PSG3: variants seen among roughly 807,000 people sequenced by gnomAD.
PSG3 encodes pregnancy-specific beta-1-glycoprotein 3.
PSG3 carries 61 observed loss-of-function variants against 47.5 expected under a neutral mutation model. That is an observed-to-expected ratio of 1.28 (90% CI 1.05 to 1.59). The LOEUF (loss-of-function observed/expected upper bound fraction) is 1.59, where lower values mean the gene tolerates loss of function less well. Ranked by LOEUF, PSG3 falls within the 40% of genes most tolerant of loss-of-function variation. The probability of loss-of-function intolerance (pLI) is 0.00; values close to 1 mark genes in which losing one functional copy is unlikely to be tolerated. For missense variants in PSG3, 756 were observed against 524.0 expected, an observed-to-expected ratio of 1.44 and a Z score of -4.32; for synonymous variants, 263 against 198.4, an observed-to-expected ratio of 1.33 and a Z score of -2.74.
At chr19:42,736,424 G>A (rs773951815) in intron 2 of PSG3, among the ~76,000 whole-genome samples, 29 of 152,134 alleles carry the variant, frequency 1.9e-4, no homozygotes, top group Non-Finnish European at 3.5e-4. Flanking sequence ...CCCTCCGCCC[G>A]CATGATTCCA....
intron 3 of PSG3, among the ~76,000 whole-genome samples, chr19:42,731,744 C>G (rs1172428800): frequency 6.6e-6 from 1 of 151,558 alleles, no homozygotes; most frequent in Non-Finnish European, 1.5e-5. Flanking sequence ...ATTGATTCCT[C>G]CAATCCATGA....
At chr19:42,735,153 T>G (rs1969542257) in intron 2 of PSG3, among the ~76,000 whole-genome samples, 1 of 152,234 alleles carries the variant, frequency 6.6e-6, no homozygotes, top group Non-Finnish European at 1.5e-5. Context: ...GCCTTTGTAG[T>G]TGTCCCACAG....
Position 42,723,997 on chromosome 19 carries a change from G to A in PSG3, c.1272C>T (p.Gly424=), listed in dbSNP as rs780533629. The part of the protein sequence containing the change: ...SAPSGTGHLP[G]LNPL ...ATCACGGCTGCTATAATGGATTAAG[G>A]CCAGGAAGATGTCCTGTTCCTGAAG... The change falls in exon 6 of 7, where the codon GGC becomes GGT. Residue 424 remains glycine, a synonymous_variant. Coordinates refer to ENST00000327495, the MANE Select transcript of PSG3 (RefSeq NM_021016.4). 6 of 1,611,654 alleles carry A rather than the reference G, an allele frequency of 3.7e-6. No individual in the cohort carries two copies. Among genetic ancestry groups the A allele is most frequent in the African/African-American group, 1.3e-5 (1 of 74,966 alleles).
At position 42,735,341 on chromosome 19, in the gene PSG3, A is replaced by G. The variant is rs548457667; in HGVS notation, c.431-2279T>C. The stretch of plus-strand genomic sequence containing the variant: ...AGCTATGTTCAGTCTACCAGTAAGT[A>G]TCAAAAGCATTCTTCATGTCTCTAA... On this transcript the variant is annotated intron_variant, in intron 2 of 6. Coordinates refer to ENST00000327495, the MANE Select transcript of PSG3 (RefSeq NM_021016.4). Among the ~76,000 whole-genome samples, 5 of 152,214 alleles carry G rather than the reference A, an allele frequency of 3.3e-5. No individual in the cohort carries two copies. In the East Asian group the frequency reaches 9.7e-4, roughly 29 times the overall value.
Position 42,740,412 on chromosome 19 carries a change from T to G in PSG3, c.-28A>C. On this transcript the variant is annotated 5_prime_UTR_variant, in exon 1 of 7. Transcript: ENST00000327495. ...TCTCTGCTGCCTGCGTGTTCTCCTCTGTGGAGCTGAGCCTAGGATCCAGAA... is the reference window on the plus strand; with the variant it reads ...TCTCTGCTGCCTGCGTGTTCTCCTCGGTGGAGCTGAGCCTAGGATCCAGAA... 1 of 1,613,970 alleles carries G rather than the reference T, an allele frequency of 6.2e-7. No homozygotes were observed. The highest frequency in any genetic ancestry group is 8.5e-7 in the Non-Finnish European group (1 of 1,179,920).
chr19:42,734,141 G>C (rs987828426), intron 2 of PSG3: 1 of 152,146 alleles, frequency 6.6e-6, no homozygotes, highest in Admixed American at 6.5e-5. Flanking sequence ...GTGGGTGTGC[G>C]GTTTCAGTTA....
rs2122183054 is a variant in PSG3, at chr19:42,732,974, A to G, written c.519T>C (p.Thr173=). 1.9e-6 allele frequency: 3 copies of G among 1,614,124 alleles called. No homozygotes were observed. In the East Asian group the frequency reaches 6.7e-5, roughly 36 times the overall value. ...EAVSLTCDPE[T]PDASYLWWMN... is the part of the protein sequence containing the mutation. ...TCCACCACAGGTAGCTTGCGTCCGGAGTCTCAGGATCACAGGTTAAGCTCA... is the reference window on the plus strand; with the variant it reads ...TCCACCACAGGTAGCTTGCGTCCGGGGTCTCAGGATCACAGGTTAAGCTCA... Residue 173 remains threonine, a synonymous_variant, in exon 3 of 7, where the codon ACT becomes ACC. Coordinates refer to ENST00000327495, the MANE Select transcript of PSG3 (RefSeq NM_021016.4).
chr19:42,735,400 T>C (rs968629789), intron 2 of PSG3, among the ~76,000 whole-genome samples: 4 of 152,044 alleles, frequency 2.6e-5, no homozygotes, highest in Non-Finnish European at 5.9e-5. Context: ...AGAGTCTCGC[T>C]CTGTCACCTA....
At position 42,733,000 on chromosome 19, in the gene PSG3, C is replaced by T; in HGVS notation, c.493G>A (p.Val165Met). The T allele has an allele frequency of 2.5e-6, 4 of 1,614,186 alleles. No homozygotes were observed. The highest frequency in any genetic ancestry group is 2.7e-5 in the African/African-American group (2 of 75,038). The change falls in exon 3 of 7, where the codon GTG becomes ATG. Residue 165 changes from valine (V) to methionine (M), a missense_variant. Coordinates refer to ENST00000327495, the MANE Select transcript of PSG3 (RefSeq NM_021016.4). ...NLYPREDMEA[V>M]SLTCDPETPD... is the part of the protein sequence containing the mutation. ...GTCTCAGGATCACAGGTTAAGCTCA[C>T]AGCCTCCATGTCCTCCCTGGGGTAT...
Position 42,729,433 on chromosome 19 carries a change from C to T in PSG3, c.989-56G>A, listed in dbSNP as rs1969433311. 16 of 1,571,348 alleles carry T rather than the reference C, an allele frequency of 1.0e-5. No individual in the cohort carries two copies. The South Asian group carries it at 1.9e-4, about 19-fold the overall frequency. ...TGTCATCCGAGGGAAGGGGATGCTC[C>T]TGGTCTCTTAAAGGGACACAGTGAC... is the stretch of plus-strand genomic sequence containing the variant. On this transcript the variant is annotated intron_variant, in intron 4 of 6. Coordinates refer to ENST00000327495, the MANE Select transcript of PSG3 (RefSeq NM_021016.4).
intron 6 of PSG3, among the ~76,000 whole-genome samples, chr19:42,723,409 T>C (rs889173871): frequency 2.0e-4 from 31 of 152,286 alleles, no homozygotes; most frequent in Non-Finnish European, 4.1e-4. Flanking sequence ...ATGGAGGAAT[T>C]ATACTAGGAA....
chr19:42,724,786 C>G (rs574419324), intron 5 of PSG3, among the ~76,000 whole-genome samples: 240 of 152,068 alleles, frequency 1.6e-3, no homozygotes, highest in African/African-American at 5.5e-3. Context: ...ACATACCAGG[C>G]TTGATTCTTT....
intron 2 of PSG3, among the ~76,000 whole-genome samples, chr19:42,737,512 A>C (rs944919030): frequency 1.1e-4 from 17 of 152,052 alleles, no homozygotes; most frequent in African/African-American, 3.6e-4. Context: ...ATGGTGGTTA[A>C]GATCTGAGGG....
chr19:42,730,339 C>T (rs1262916010), intron 3 of PSG3, among the ~76,000 whole-genome samples: 1 of 152,170 alleles, frequency 6.6e-6, no homozygotes, highest in Non-Finnish European at 1.5e-5. Flanking sequence ...GCCCCTGGTA[C>T]CCCTCCCAGT....
chr19:42,739,831 T>A (rs1177131295), intron 1 of PSG3, among the ~76,000 whole-genome samples: 1 of 152,248 alleles, frequency 6.6e-6, no homozygotes. Flanking sequence ...ACTTAAGATT[T>A]TCCTACCTCT....
At chr19:42,736,177 CAG>C (rs1969559777) in intron 2 of PSG3, among the ~76,000 whole-genome samples, 1 of 152,168 alleles carries the variant, frequency 6.6e-6, no homozygotes. Context: ...AAAATGTTGG[CAG>C]AGTTTTTATA....
intron 3 of PSG3, 121 bp downstream of exon 3, chr19:42,732,663 G>C (rs1969491494): frequency 1.9e-6 from 3 of 1,609,572 alleles, no homozygotes; most frequent in Non-Finnish European, 1.7e-6. Flanking sequence ...GTCATGGCCA[G>C]GTTTGATGTC....
intron 2 of PSG3, among the ~76,000 whole-genome samples, chr19:42,735,670 G>A (rs1332846116): frequency 6.6e-6 from 1 of 152,184 alleles, no homozygotes; most frequent in East Asian, 1.9e-4. Context: ...CATCTCTGAG[G>A]GATTTTAATG....
chr19:42,725,112 A>G (rs887156604), intron 5 of PSG3, among the ~76,000 whole-genome samples: 1 of 152,172 alleles, frequency 6.6e-6, no homozygotes, highest in African/African-American at 2.4e-5. Flanking sequence ...TTTGACCTCT[A>G]GGCTAATGAT....
Sources: allele counts gnomAD v4.1 joint callset (sites outside exome capture counted in the v4.1 genomes callset), GRCh38; gene constraint gnomAD v4.1.1; transcripts MANE v1.5; gene names NCBI Gene and HGNC (gene_info 2026-07-23, HGNC 2026-07-21).